The following SPATA13 variants were observed in gnomAD, a reference collection of about 807,000 sequenced individuals.
SPATA13 encodes spermatogenesis-associated protein 13.
In SPATA13, 50 loss-of-function variants were observed where a neutral mutation model predicts 104.0. That is an observed-to-expected ratio of 0.48 (90% CI 0.38 to 0.61). The LOEUF (loss-of-function observed/expected upper bound fraction) is 0.61, where lower values mean the gene tolerates loss of function less well. Ranked by LOEUF, SPATA13 falls within the 20% of genes least tolerant of loss-of-function variation. SPATA13 has a pLI of 0.00. For synonymous variants in SPATA13, 606 were observed against 667.5 expected (o/e 0.91, Z 1.42); for missense variants, 1,524 against 1,690.6 (o/e 0.90, Z 1.73).
chr13:23,992,761 T>C (rs9553131), intron 2 of SPATA13, among the ~76,000 whole-genome samples: 1,598 of 152,216 alleles, frequency 0.01, 42 homozygotes, highest in East Asian at 0.1. Context: ...CAAACTCACA[T>C]CCATAGTTGG....
chr13:24,283,038 T>C (rs971666118), intron 4 of SPATA13, among the ~76,000 whole-genome samples: 1 of 152,224 alleles, frequency 6.6e-6, no homozygotes, highest in African/African-American at 2.4e-5. Flanking sequence ...CCCCGATCTT[T>C]GCAGTCTTGT....
Position 24,222,767 on chromosome 13 carries a change from G to A in SPATA13, c.-111-52G>A, listed in dbSNP as rs558655368. Reference sequence around the variant, plus strand: ...GCGTGCCTCTTCTTCTGTGAGCAGAGGGGCTACTGCGTGGGAAATGGCTAA... The same window carrying A: ...GCGTGCCTCTTCTTCTGTGAGCAGAAGGGCTACTGCGTGGGAAATGGCTAA... On this transcript the variant is annotated intron_variant, in intron 1 of 12. Transcript: ENST00000382108. The A allele has an allele frequency of 5.2e-5, 75 of 1,445,684 alleles. No individual in the cohort carries two copies. In the Middle Eastern group the frequency reaches 9.0e-4, roughly 17 times the overall value. 89.6% of individuals were successfully genotyped at this position (1,445,684 alleles called of 1,614,324 possible).
chr13:24,113,868 C>CAAAAAAAAAAA (rs958434459), intron 3 of SPATA13, among the ~76,000 whole-genome samples: 2 of 56,164 alleles, frequency 3.6e-5, no homozygotes, highest in African/African-American at 6.4e-5. Context: ...GACTCGATCT[C>CAAAAAAAAAAA]AAAAAAAAAA....
intron 3 of SPATA13, among the ~76,000 whole-genome samples, chr13:24,100,835 T>A (rs1274552992): frequency 6.6e-6 from 1 of 152,206 alleles, no homozygotes; most frequent in Non-Finnish European, 1.5e-5. Context: ...TCATCCAAGC[T>A]TCCCACCCTC....
chr13:24,272,492 A>G (rs940981887), intron 4 of SPATA13, among the ~76,000 whole-genome samples: 3 of 152,090 alleles, frequency 2.0e-5, no homozygotes, highest in Non-Finnish European at 4.4e-5. Flanking sequence ...AAGCTTGCCT[A>G]TGGTGGGTTT....
intron 3 of SPATA13, among the ~76,000 whole-genome samples, chr13:24,095,094 C>G (rs1880029293): frequency 6.6e-6 from 1 of 152,184 alleles, no homozygotes; most frequent in Non-Finnish European, 1.5e-5. Flanking sequence ...CTCAAAGAGG[C>G]ATGTGCACAC....
intron 2 of SPATA13, among the ~76,000 whole-genome samples, chr13:23,989,778 C>T (rs1445707837): frequency 3.9e-5 from 6 of 152,160 alleles, no homozygotes; most frequent in Non-Finnish European, 8.8e-5. Context: ...AGAAGTGAGG[C>T]CTTGGGAAGT....
At chr13:24,222,730 C>A in intron 1 of SPATA13, 89 bp from the exon 2 acceptor site, 1 of 1,127,522 alleles carries the variant, frequency 8.9e-7, no homozygotes, top group Non-Finnish European at 1.2e-6. Flanking sequence ...ATCTGACCAG[C>A]CCTGTGCTGG....
intron 3 of SPATA13, among the ~76,000 whole-genome samples, chr13:24,102,568 G>A (rs528639330): frequency 1.0e-4 from 15 of 150,696 alleles, no homozygotes; most frequent in African/African-American, 3.7e-4. Flanking sequence ...TCCTTCTCCC[G>A]GGATTAGGTG....
intron 3 of SPATA13, among the ~76,000 whole-genome samples, chr13:24,136,544 AGAAAG>A (rs941700429): frequency 1.3e-5 from 2 of 152,148 alleles, no homozygotes; most frequent in Non-Finnish European, 2.9e-5. Flanking sequence ...AGGGAGGGAA[AGAAAG>A]GAAAGAAAGA....
chr13:24,253,164 A>T (rs1873594042), intron 4 of SPATA13: 1 of 152,176 alleles, frequency 6.6e-6, no homozygotes, highest in Admixed American at 6.5e-5. Flanking sequence ...GAACAGGAAG[A>T]AGGGTGGGGT....
At chr13:24,267,661 C>T (rs890357757) in intron 4 of SPATA13, among the ~76,000 whole-genome samples, 39 of 152,202 alleles carry the variant, frequency 2.6e-4, no homozygotes, top group Admixed American at 9.8e-4. Flanking sequence ...TTTTATTTGC[C>T]TCCTTCTGGA....
intron 3 of SPATA13, among the ~76,000 whole-genome samples, chr13:24,021,605 C>T (rs1331681035): frequency 6.6e-6 from 1 of 152,194 alleles, no homozygotes; most frequent in Admixed American, 6.5e-5. Flanking sequence ...TTGTTTTGAA[C>T]GTCAAAATTT....
Position 24,084,311 on chromosome 13 carries a change from CTTCTT to C in SPATA13, c.-112+66613_-112+66617del, listed in dbSNP as rs1879649173. The stretch of plus-strand genomic sequence containing the variant: ...AAGGGTCTCTGTGCTTGCAGTTCTG[CTTCTT>C]TTGAGAAAGGAAGGAGGAGCTGAGC... On this transcript the variant is annotated intron_variant, in intron 3 of 14. Transcript: ENST00000424834. 9.9e-5 allele frequency among the ~76,000 whole-genome samples: 15 copies of C among 152,194 alleles called. No homozygotes were observed. In the South Asian group the frequency reaches 3.1e-3, roughly 32 times the overall value.
At chr13:24,127,222 C>T (rs748529139) in intron 3 of SPATA13, among the ~76,000 whole-genome samples, 13 of 152,114 alleles carry the variant, frequency 8.5e-5, no homozygotes, top group Middle Eastern at 3.2e-3. Context: ...ACAGAGCTTA[C>T]CCAGGCTGGT....
intron 3 of SPATA13, among the ~76,000 whole-genome samples, chr13:24,112,878 T>C (rs1369019722): frequency 6.6e-6 from 1 of 152,246 alleles, no homozygotes; most frequent in Non-Finnish European, 1.5e-5. Context: ...ATTGCTCTGT[T>C]GCTAAGGCCT....
chr13:24,249,450 C>G, intron 2 of SPATA13, 27 bp from the exon 3 acceptor site: 1 of 1,488,612 alleles, frequency 6.7e-7, no homozygotes, highest in Non-Finnish European at 9.0e-7. Flanking sequence ...GGATATTGAG[C>G]TCACCTGACC....
chr13:24,181,761 C>CTTTTTTTTT (rs374662974), intron 1 of SPATA13, among the ~76,000 whole-genome samples: 2 of 145,008 alleles, frequency 1.4e-5, no homozygotes, highest in Non-Finnish European at 1.5e-5. Flanking sequence ...TTACAGTTGA[C>CTTTTTTTTT]TTTTTTTTTT....
chr13:24,251,939 G>A (rs1873515197), intron 4 of SPATA13, 77 bp downstream of exon 4: 1 of 1,526,118 alleles, frequency 6.6e-7, no homozygotes. Context: ...GAGGCAGCAG[G>A]TTCTGCACCT....
Sources: gnomAD v4.1 joint callset for allele counts (sites outside exome capture counted in the v4.1 genomes callset) on GRCh38, gnomAD v4.1.1 for gene constraint, MANE v1.5 for transcripts, NCBI Gene and HGNC (gene_info 2026-07-23, HGNC 2026-07-21) for gene names.